ZNF737: variants seen among roughly 807,000 people sequenced by gnomAD.
ZNF737 encodes zinc finger protein 737.
Under a neutral mutation model 11.7 loss-of-function variants are expected in ZNF737, and 13 were observed. That is an observed-to-expected ratio of 1.11 (90% confidence interval 0.73 to 1.77). The LOEUF (loss-of-function observed/expected upper bound fraction) is 1.77. Among genes scored for constraint, ZNF737 ranks in the 40% most tolerant of loss-of-function variants. The probability of loss-of-function intolerance (pLI) is 0.00; values close to 1 mark genes in which losing one functional copy is unlikely to be tolerated. For synonymous variants in ZNF737, 217 were observed against 216.2 expected (o/e 1.00, Z -0.03); for missense variants, 636 against 638.0 (o/e 1.00, Z 0.03).
downstream of ZNF737, among the ~76,000 whole-genome samples, chr19:20,535,448 C>A (rs1352682092): frequency 2.6e-5 from 4 of 151,712 alleles, no homozygotes; most frequent in Non-Finnish European, 5.9e-5. Context: ...GAAAGTCTTG[C>A]TATTTGCAAC....
intron 1 of ZNF737, among the ~76,000 whole-genome samples, chr19:20,554,262 T>C (rs1224288564): frequency 6.6e-6 from 1 of 152,188 alleles, no homozygotes; most frequent in African/African-American, 2.4e-5. Context: ...GAATAAAGTT[T>C]GATTTTTTGA....
intron 1 of ZNF737, among the ~76,000 whole-genome samples, chr19:20,563,077 A>AT (rs542218090): frequency 2.7e-5 from 4 of 148,430 alleles, no homozygotes; most frequent in African/African-American, 7.5e-5. Context: ...TTTGGAATTC[A>AT]TTTTTTTAAC....
Position 20,542,887 on chromosome 19 carries a change from T to G in ZNF737, c.*1705A>C. The G allele has an allele frequency of 2.0e-6, 2 of 985,222 alleles. No individual in the cohort carries two copies. Among genetic ancestry groups the G allele is most frequent in the South Asian group, 9.4e-5 (2 of 21,282 alleles). 61.0% of individuals were successfully genotyped at this position (985,222 alleles called of 1,614,324 possible). A position where few individuals can be genotyped will look rare whatever the true frequency, so the allele number is the denominator to read the frequency against. ...ATAATTTGAAAGCTGTATTACATCA[T>G]TATTCAGCTTTCAAAAAATTTTATT... On this transcript the variant is annotated 3_prime_UTR_variant, in exon 4 of 4. Transcript: ENST00000427401.
downstream of ZNF737, among the ~76,000 whole-genome samples, chr19:20,531,148 G>A (rs1258340813): frequency 3.4e-5 from 5 of 146,160 alleles, no homozygotes; most frequent in African/African-American, 1.3e-4. Flanking sequence ...GAATCAGGCA[G>A]GGAGGTTGCA....
At position 20,543,205 on chromosome 19, in the gene ZNF737, G is replaced by A. The variant is rs57449077; in HGVS notation, c.*1387C>T. 0.06 allele frequency: 59,096 copies of A among 982,690 alleles called. 2,261 individuals carry two copies. Among genetic ancestry groups the A allele is most frequent in the African/African-American group, 0.16 (9,108 of 57,044 alleles). The allele number at this position is 982,690 out of a possible 1,614,324, so 60.9% of individuals were successfully genotyped here. The stretch of plus-strand genomic sequence containing the variant: ...TGTTTTCTAAGCTGTAGTTTCTGGG[G>A]AAAAAAAAGTGTTTCTAAACTTAAT... On this transcript the variant is annotated 3_prime_UTR_variant, in exon 4 of 4. Coordinates refer to ENST00000427401, the MANE Select transcript of ZNF737 (RefSeq NM_001159293.2).
At chr19:20,534,693 A>G (rs1439965131), downstream of ZNF737, among the ~76,000 whole-genome samples, 5 of 149,976 alleles carry the variant, frequency 3.3e-5, no homozygotes, top group Non-Finnish European at 5.9e-5. Flanking sequence ...GTAGTAGATC[A>G]GCTTAATTTT....
rs1968127358 is a variant in ZNF737, at chr19:20,539,819, C to T, written c.*4773G>A. 3.0e-6 allele frequency: 3 copies of T among 985,386 alleles called. No individual in the cohort carries two copies. Among genetic ancestry groups the T allele is most frequent in the Non-Finnish European group, 3.6e-6 (3 of 829,930 alleles). The allele number at this position is 985,386 out of a possible 1,614,324, so 61.0% of individuals were successfully genotyped here. A position where few individuals can be genotyped will look rare whatever the true frequency, so the allele number is the denominator to read the frequency against. The stretch of plus-strand genomic sequence containing the variant: ...AATAAATAGTGTAAACCTGTGTCAC[C>T]AGAATGGTGCAGACATGCTGATTGA... On this transcript the variant is annotated 3_prime_UTR_variant, in exon 4 of 4. Coordinates refer to ENST00000427401, the MANE Select transcript of ZNF737 (RefSeq NM_001159293.2).
intron 1 of ZNF737, among the ~76,000 whole-genome samples, chr19:20,558,487 GA>G (rs1331394073): frequency 6.6e-6 from 1 of 151,794 alleles, no homozygotes; most frequent in Non-Finnish European, 1.5e-5. Context: ...TGGATTGTAG[GA>G]AAAAAGACTG....
At chr19:20,560,810 T>C (rs1969063386) in intron 1 of ZNF737, among the ~76,000 whole-genome samples, 1 of 151,628 alleles carries the variant, frequency 6.6e-6, no homozygotes. Context: ...AAAAAGAAAA[T>C]ACTGTAGAAA....
downstream of ZNF737, among the ~76,000 whole-genome samples, chr19:20,534,045 A>C (rs1197106604): frequency 6.7e-6 from 1 of 150,208 alleles, no homozygotes; most frequent in African/African-American, 2.5e-5. Context: ...AGCCGGGCTG[A>C]GCTAATTTGC....
At chr19:20,563,417 G>C (rs1969177331) in intron 1 of ZNF737, among the ~76,000 whole-genome samples, 1 of 150,726 alleles carries the variant, frequency 6.6e-6, no homozygotes, top group African/African-American at 2.4e-5. Context: ...CTTGGTTTTT[G>C]AAACTAAGTG....
downstream of ZNF737, among the ~76,000 whole-genome samples, chr19:20,534,471 A>G (rs1445238593): frequency 6.7e-6 from 1 of 149,258 alleles, no homozygotes; most frequent in Non-Finnish European, 1.5e-5. Flanking sequence ...CTATCTATCT[A>G]TCTATCTATC....
rs782084226 is a variant in ZNF737 at position 20,545,699 on chromosome 19, A to G, written c.504T>C (p.Thr168=). The change falls in exon 4 of 4, where the codon ACT becomes ACC. Residue 168 remains threonine (T), a synonymous_variant. Transcript: ENST00000427401. ...SNSNRHKIRH[T]GKKPFKCIEC... is the part of the protein sequence containing the mutation. ...CTATACATTTGAAAGGTTTTTTTCC[A>G]GTATGTCTTATCTTATGTCTGTTTG... 1.7e-5 allele frequency: 28 copies of G among 1,613,204 alleles called. No individual in the cohort carries two copies. The highest frequency in any genetic ancestry group is 2.2e-5 in the Non-Finnish European group (26 of 1,179,570).
Position 20,552,049 on chromosome 19 carries a change from A to G in ZNF737, c.226+426T>C, listed in dbSNP as rs117423256. 1.6e-3 allele frequency among the ~76,000 whole-genome samples: 250 copies of G among 152,036 alleles called. 7 individuals are homozygous for G. In the East Asian group the frequency reaches 0.046, roughly 28 times the overall value. Reference sequence around the variant, plus strand: ...GACTATAATAGTAATAAAAATAGAAAGGACTACATAGAAAAATAAACAAAA... The same window carrying G: ...GACTATAATAGTAATAAAAATAGAAGGGACTACATAGAAAAATAAACAAAA... On this transcript the variant is annotated intron_variant, in intron 3 of 3. Transcript: ENST00000427401.
At chr19:20,549,478 A>C (rs1333538633) in intron 3 of ZNF737, among the ~76,000 whole-genome samples, 3 of 152,094 alleles carry the variant, frequency 2.0e-5, no homozygotes, top group Non-Finnish European at 4.4e-5. Flanking sequence ...AAATACAAAA[A>C]TTAGCTGAGC....
chr19:20,535,014 T>C (rs376891144), downstream of ZNF737, among the ~76,000 whole-genome samples: 11 of 149,954 alleles, frequency 7.3e-5, 2 homozygotes, highest in African/African-American at 2.5e-4. Flanking sequence ...AATTTATATA[T>C]TAAAATTAAA....
chr19:20,548,258 C>A (rs1194643276), intron 3 of ZNF737, among the ~76,000 whole-genome samples: 1 of 152,088 alleles, frequency 6.6e-6, no homozygotes, highest in East Asian at 1.9e-4. Flanking sequence ...GCTGAAGCAA[C>A]CCAGATGCCT....
chr19:20,551,637 AAAAC>A (rs1296757583), intron 3 of ZNF737, among the ~76,000 whole-genome samples: 48 of 152,136 alleles, frequency 3.2e-4, no homozygotes, highest in African/African-American at 9.1e-4. Context: ...TCATACGCTT[AAAAC>A]AAACTATCTG....
rs1555755018 is a variant in ZNF737 at position 20,541,047 on chromosome 19, A to G, written c.*3545T>C. ...TTGTACTCAAGAGAGTTGTTTCTGG[A>G]GACAAAGTTGCCTGTGCTTTAATAG... is the stretch of plus-strand genomic sequence containing the variant. On this transcript the variant is annotated 3_prime_UTR_variant, in exon 4 of 4. Coordinates refer to ENST00000427401, the MANE Select transcript of ZNF737 (RefSeq NM_001159293.2). 1 of 985,190 alleles carries G rather than the reference A, an allele frequency of 1.0e-6. No homozygotes were observed. Among genetic ancestry groups the G allele is most frequent in the African/African-American group, 1.7e-5 (1 of 57,192 alleles). 61.0% of individuals were successfully genotyped at this position (985,190 alleles called of 1,614,324 possible). A position where few individuals can be genotyped will look rare whatever the true frequency, so the allele number is the denominator to read the frequency against.
Sources: gnomAD v4.1 joint callset for allele counts (sites outside exome capture counted in the v4.1 genomes callset) on GRCh38, gnomAD v4.1.1 for gene constraint, MANE v1.5 for transcripts, NCBI Gene and HGNC (gene_info 2026-07-23, HGNC 2026-07-21) for gene names.